EIF2B2: variants seen among roughly 807,000 people sequenced by gnomAD.
EIF2B2 encodes eukaryotic translation initiation factor 2B subunit beta.
In EIF2B2, 34 loss-of-function variants were observed where a neutral mutation model predicts 34.7. That is an observed-to-expected ratio of 0.98 (90% confidence interval 0.75 to 1.31). EIF2B2 has a LOEUF of 1.31. Among genes scored for constraint, EIF2B2 ranks in the 50% most tolerant of loss-of-function variants. The pLI is 0.00. For missense variants in EIF2B2, 361 were observed against 447.7 expected (o/e 0.81, Z 1.75); for synonymous variants, 155 against 171.6 (o/e 0.90, Z 0.76).
rs775188722 is a variant in EIF2B2, at chr14:75,003,349, A to G, written c.238A>G (p.Asn80Asp). 6.2e-7 allele frequency: 1 copy of G among 1,613,882 alleles called. No individual in the cohort carries two copies. Among genetic ancestry groups the G allele is most frequent in the African/African-American group, 1.3e-5 (1 of 74,874 alleles). ...AAQPSETTVG[N>D]MVRRVLKIIR... ...TCAGCCCTCCGAGACCACCGTGGGC[A>G]ACATGGTGCGGAGAGTGCTCAAGAT... is the stretch of plus-strand genomic sequence containing the variant. Residue 80 changes from asparagine (N) to aspartate (D), a missense_variant, in exon 2 of 8, where the codon AAC (asparagine) becomes GAC (aspartate). Physicochemically the swap from Asn to Asp is conservative, Grantham distance 23. Coordinates refer to ENST00000266126, the MANE Select transcript of EIF2B2 (RefSeq NM_014239.4).
chr14:75,007,661 G>A, intron 6 of EIF2B2, 61 bp from the exon 7 acceptor site: 1 of 1,334,628 alleles, frequency 7.5e-7, no homozygotes. Flanking sequence ...TCATCTCTAG[G>A]GTACATACCT....
In EIF2B2 at chr14:75,009,765, G is replaced by GGAGGCTTGTTT. The variant is rs57238980; in HGVS notation, c.*594_*604dup. 28,619 of 153,110 alleles carry GGAGGCTTGTTT rather than the reference G, an allele frequency of 0.19. 3,566 individuals are homozygous for GGAGGCTTGTTT. Among genetic ancestry groups the GGAGGCTTGTTT allele is most frequent in the African/African-American group, 0.34 (14,064 of 41,096 alleles). The allele number at this position is 153,110 out of a possible 1,614,324, so 9.5% of individuals were successfully genotyped here. A position where few individuals can be genotyped will look rare whatever the true frequency, so the allele number is the denominator to read the frequency against. On this transcript the variant is annotated 3_prime_UTR_variant, in exon 8 of 8. Coordinates refer to ENST00000266126, the MANE Select transcript of EIF2B2 (RefSeq NM_014239.4). ...TCCTGGACTTTGGGAGGCTGAGGTG[G>GGAGGCTTGTTT]GAGGCTTGTTTGAGGCTTGTTTGAG...
intron 1 of EIF2B2, 58 bp downstream of exon 1, chr14:75,003,211 GC>G (rs1363524156): frequency 6.2e-7 from 1 of 1,613,194 alleles, no homozygotes; most frequent in African/African-American, 1.3e-5. Context: ...CGATCCCAGG[GC>G]TGAAAATTTC....
At chr14:75,003,855 T>C (rs549982732) in intron 3 of EIF2B2, among the ~76,000 whole-genome samples, 156 bp downstream of exon 3, 1 of 152,314 alleles carries the variant, frequency 6.6e-6, no homozygotes, top group Admixed American at 6.5e-5. Flanking sequence ...TTGCAACAGG[T>C]GACAGGACCA....
At position 75,009,923 on chromosome 14, in the gene EIF2B2, C is replaced by T. The variant is rs1889682719; in HGVS notation, c.*735C>T. 6.5e-6 allele frequency: 1 copy of T among 153,206 alleles called. No homozygotes were observed. Among genetic ancestry groups the T allele is most frequent in the South Asian group, 2.1e-4 (1 of 4,852 alleles). 9.5% of individuals were successfully genotyped at this position (153,206 alleles called of 1,614,324 possible). A position where few individuals can be genotyped will look rare whatever the true frequency, so the allele number is the denominator to read the frequency against. On this transcript the variant is annotated 3_prime_UTR_variant, in exon 8 of 8. Transcript: ENST00000266126. ...GCTGGAGGCTGAGGTGGGAGGATCA[C>T]TTGAGCCCATGAGTTCAAGGCTTCA...
intron 4 of EIF2B2, 47 bp downstream of exon 4, chr14:75,004,947 A>T (rs1889606195): frequency 6.2e-7 from 1 of 1,600,890 alleles, no homozygotes; most frequent in Admixed American, 1.7e-5. Context: ...AAAAATGAAG[A>T]AGAAATAAAC....
rs1291537626 is a variant in EIF2B2, at chr14:75,006,272, C to T, written c.694-305C>T. The T allele has an allele frequency of 7.5e-6, 4 of 533,096 alleles. No individual in the cohort carries two copies. In the East Asian group the frequency reaches 1.4e-4, roughly 18 times the overall value. 33.0% of individuals were successfully genotyped at this position (533,096 alleles called of 1,614,324 possible). On this transcript the variant is annotated intron_variant, in intron 5 of 7. Coordinates refer to ENST00000266126, the MANE Select transcript of EIF2B2 (RefSeq NM_014239.4). This position sits in a 1 kb window ranked among gnomAD's most constrained non-coding sequence, Gnocchi z 4.1. ...CCTGCCTTATGCTCAAAGAGCTTGG[C>T]AGTTGTGGATAGTGAATGAAAAAGA...
At chr14:75,003,421 G>A (rs1165889787) in intron 2 of EIF2B2, 26 bp downstream of exon 2, 3 of 1,613,860 alleles carry the variant, frequency 1.9e-6, no homozygotes, top group Non-Finnish European at 2.5e-6. Flanking sequence ...TGGGCTCCTG[G>A]TTGGATCCAG....
In EIF2B2 at chr14:75,009,343, C is replaced by A. The variant is rs1051612401; in HGVS notation, c.*155C>A. On this transcript the variant is annotated 3_prime_UTR_variant, in exon 8 of 8. Coordinates refer to ENST00000266126, the MANE Select transcript of EIF2B2 (RefSeq NM_014239.4). ...ATACTGTTGCCTGCCTTTTTAGTCA[C>A]CCCGTAACAAGGGCACACATCCAGG... 4 of 854,206 alleles carry A rather than the reference C, an allele frequency of 4.7e-6. No homozygotes were observed. In the African/African-American group the frequency reaches 6.6e-5, roughly 14 times the overall value. 52.9% of individuals were successfully genotyped at this position (854,206 alleles called of 1,614,324 possible).
intron 3 of EIF2B2, among the ~76,000 whole-genome samples, chr14:75,004,119 A>G (rs1302660519): frequency 6.6e-6 from 1 of 152,346 alleles, no homozygotes; most frequent in East Asian, 1.9e-4. Flanking sequence ...GAGGATGAAG[A>G]AGCTGCTTCC....
Position 75,006,217 on chromosome 14 carries a change from T to G in EIF2B2, c.693+256T>G, listed in dbSNP as rs143266808. 1,071 of 516,280 alleles carry G rather than the reference T, an allele frequency of 2.1e-3. 5 individuals are homozygous for G. Among genetic ancestry groups the G allele is most frequent in the Middle Eastern group, 6.0e-3 (11 of 1,848 alleles). The allele number at this position is 516,280 out of a possible 1,614,324, so 32.0% of individuals were successfully genotyped here. A position where few individuals can be genotyped will look rare whatever the true frequency, so the allele number is the denominator to read the frequency against. On this transcript the variant is annotated intron_variant, in intron 5 of 7. Coordinates refer to ENST00000266126, the MANE Select transcript of EIF2B2 (RefSeq NM_014239.4). The surrounding 1 kb of genome is among the most constrained non-coding windows in gnomAD (Gnocchi z 4.1). ...GTATTAAATAGAACTAAGGCAAGAG[T>G]GTCAGTTTCTAGGGATTGGCTACAG... is the stretch of plus-strand genomic sequence containing the variant.
intron 7 of EIF2B2, 114 bp downstream of exon 7, chr14:75,007,902 GT>G (rs1198565799): frequency 1.9e-6 from 2 of 1,053,006 alleles, no homozygotes; most frequent in Non-Finnish European, 2.9e-6. Context: ...ATGCTGTCAA[GT>G]TGTGTTTTTT....
At chr14:75,007,953 A>G (rs984432223) in intron 7 of EIF2B2, among the ~76,000 whole-genome samples, 165 bp downstream of exon 7, 1 of 152,168 alleles carries the variant, frequency 6.6e-6, no homozygotes, top group East Asian at 1.9e-4. Context: ...TAGAAGCTCA[A>G]AGTGCTTGAG....
In EIF2B2 at chr14:75,006,289, T is replaced by C; in HGVS notation, c.694-288T>C. 2 of 547,436 alleles carry C rather than the reference T, an allele frequency of 3.7e-6. No homozygotes were observed. The highest frequency in any genetic ancestry group is 6.5e-6 in the Non-Finnish European group (2 of 307,314). The allele number at this position is 547,436 out of a possible 1,614,324, so 33.9% of individuals were successfully genotyped here. A position where few individuals can be genotyped will look rare whatever the true frequency, so the allele number is the denominator to read the frequency against. On this transcript the variant is annotated intron_variant, in intron 5 of 7. Transcript: ENST00000266126. The surrounding 1 kb of genome is among the most constrained non-coding windows in gnomAD (Gnocchi z 4.1). ...GAGCTTGGCAGTTGTGGATAGTGAA[T>C]GAAAAAGATTCCTGGCTTCTCAGAA... is the stretch of plus-strand genomic sequence containing the variant.
Position 75,004,885 on chromosome 14 carries a change from T to A in EIF2B2, c.582T>A (p.Cys194Ter), listed in dbSNP as rs774832957. 6.2e-7 allele frequency: 1 copy of A among 1,611,668 alleles called. No individual in the cohort carries two copies. The highest frequency in any genetic ancestry group is 1.1e-5 in the South Asian group (1 of 91,040). Residue 194 changes from cysteine (C) to a stop codon, truncating the protein, a stop_gained, in exon 4 of 8, where the codon TGT becomes TGA. Coordinates refer to ENST00000266126, the MANE Select transcript of EIF2B2 (RefSeq NM_014239.4). LOFTEE classifies it high-confidence loss of function. Reference protein sequence around the residue: ...KRKFHVIVAECAPFCQGHEMA... With the variant: ...KRKFHVIVAE ...AATTCCATGTCATTGTAGCAGAGTG[T>A]GCTCCTTTCTGCCAGGTAAGGAGAC...
chr14:75,006,759 A>G lies in EIF2B2; in HGVS notation c.831+45A>G, dbSNP rs778387626. On this transcript the variant is annotated intron_variant, in intron 6 of 7. Coordinates refer to ENST00000266126, the MANE Select transcript of EIF2B2 (RefSeq NM_014239.4). The surrounding 1 kb of genome is among the most constrained non-coding windows in gnomAD (Gnocchi z 4.1). ...GCTAGAAGCCAGCAGAAAAGAAGGAAGCCAAAGGGTAGGCTTGAACTCTGG... is the reference window on the plus strand; with the variant it reads ...GCTAGAAGCCAGCAGAAAAGAAGGAGGCCAAAGGGTAGGCTTGAACTCTGG... 8 of 1,613,022 alleles carry G rather than the reference A, an allele frequency of 5.0e-6. No homozygotes were observed. In the South Asian group the frequency reaches 6.6e-5, roughly 13 times the overall value.
chr14:75,003,287 A>C lies in EIF2B2; in HGVS notation c.176A>C (p.Glu59Ala). The C allele has an allele frequency of 6.2e-7, 1 of 1,613,448 alleles. No individual in the cohort carries two copies. The highest frequency in any genetic ancestry group is 8.5e-7 in the Non-Finnish European group (1 of 1,179,904). The change falls in exon 2 of 8, where the codon GAG becomes GCG. Residue 59 changes from glutamate to alanine, a missense_variant. By Grantham distance (107) the Glu-to-Ala change is moderately radical. Coordinates refer to ENST00000266126, the MANE Select transcript of EIF2B2 (RefSeq NM_014239.4). ...HRWSNAGELMELIRREGRRMT... is the reference protein window; with the variant it reads ...HRWSNAGELMALIRREGRRMT... ...TTTTGGACTGTAGGGGAGCTGATGGAGCTGATCCGCAGAGAGGGCAGGAGG... is the reference window on the plus strand; with the variant it reads ...TTTTGGACTGTAGGGGAGCTGATGGCGCTGATCCGCAGAGAGGGCAGGAGG...
In EIF2B2 at chr14:75,009,284, G is replaced by T; in HGVS notation, c.*96G>T. 6.8e-7 allele frequency: 1 copy of T among 1,469,428 alleles called. No homozygotes were observed. Among genetic ancestry groups the T allele is most frequent in the East Asian group, 2.3e-5 (1 of 44,176 alleles). The allele number at this position is 1,469,428 out of a possible 1,614,324, so 91.0% of individuals were successfully genotyped here. A position where few individuals can be genotyped will look rare whatever the true frequency, so the allele number is the denominator to read the frequency against. On this transcript the variant is annotated 3_prime_UTR_variant, in exon 8 of 8. Transcript: ENST00000266126. ...TGAAGCACATCCTTGCAATGTGGGA[G>T]TGCACAGGAGTCCACCTAAAAAAAA...
At position 75,005,921 on chromosome 14, in the gene EIF2B2, C is replaced by G. The variant is rs750222755; in HGVS notation, c.653C>G (p.Thr218Ser). The change falls in exon 5 of 8, where the codon ACT (threonine) becomes AGT (serine). Residue 218 changes from threonine to serine, a missense_variant. Thr to Ser is a moderately conservative substitution (Grantham distance 58). Coordinates refer to ENST00000266126, the MANE Select transcript of EIF2B2 (RefSeq NM_014239.4). ...GCAGGTATTGAGACAACTGTCATGA[C>G]TGATGCTGCCATTTTTGCCGTTATG... Reference protein sequence around the residue: ...SKAGIETTVMTDAAIFAVMSR... With the variant: ...SKAGIETTVMSDAAIFAVMSR... The G allele has an allele frequency of 3.1e-6, 5 of 1,613,636 alleles. No individual in the cohort carries two copies. The highest frequency in any genetic ancestry group is 3.4e-6 in the Non-Finnish European group (4 of 1,179,630).
Sources: gnomAD v4.1 joint callset for allele counts (sites outside exome capture counted in the v4.1 genomes callset) on GRCh38, gnomAD v4.1.1 for gene constraint, Gnocchi (gnomAD v3.1) non-coding constraint, MANE v1.5 for transcripts, NCBI Gene and HGNC (gene_info 2026-07-23, HGNC 2026-07-21) for gene names.